Variants in EXOSC10 observed in about 807,000 individuals in gnomAD.
EXOSC10 encodes the protein exosome component 10, also known as exosome complex component 10.
EXOSC10 carries 94 observed loss-of-function variants against 126.6 expected under a neutral mutation model. The ratio of observed to expected loss-of-function variants is 0.74; its 90% CI spans 0.63 to 0.88. The LOEUF is 0.88. EXOSC10 is among the 40% of genes least tolerant of loss of function. EXOSC10 has a pLI of 0.00. For synonymous variants in EXOSC10, 395 were observed against 400.8 expected (o/e 0.99, Z 0.17); for missense variants, 1,041 against 1,100.5 (o/e 0.95, Z 0.77).
Position 11,099,794 on chromosome 1 carries a change from G to T in EXOSC10, c.38C>A (p.Ser13Ter). 1 of 1,611,892 alleles carries T rather than the reference G, an allele frequency of 6.2e-7. No homozygotes were observed. The highest frequency in any genetic ancestry group is 1.7e-4 in the Middle Eastern group (1 of 6,054). The stretch of plus-strand genomic sequence containing the variant: ...GTCGGATTTGGTTGCGCTGGTCGCC[G>T]ACAGGACCCTGGGCTCCCGGGTACT... ...PPSTREPRVL[S>*]ATSATKSDGE... The change falls in exon 1 of 25, where the codon TCG (serine) becomes TAG (stop). Residue 13 changes from serine (S) to a stop codon, truncating the protein, a stop_gained. Coordinates refer to ENST00000376936, the MANE Select transcript of EXOSC10 (RefSeq NM_001001998.3). LOFTEE classifies it high-confidence loss of function.
At chr1:11,073,877 CAAAAAA>C (rs770965502) in intron 19 of EXOSC10, 51 bp downstream of exon 19, 45 of 538,850 alleles carry the variant, frequency 8.4e-5, no homozygotes, top group African/African-American at 2.5e-4. Flanking sequence ...GACTCCATCT[CAAAAAA>C]AAAAAAAAAA....
In EXOSC10 at chr1:11,070,904, A is replaced by G; in HGVS notation, c.2312T>C (p.Val771Ala). 6.2e-7 allele frequency: 1 copy of G among 1,613,932 alleles called. No individual in the cohort carries two copies. The highest frequency in any genetic ancestry group is 8.5e-7 in the Non-Finnish European group (1 of 1,179,918). Reference sequence around the variant, plus strand: ...AGGAGAAAAGCTGGCACATACCACGACCTGCTGTCGGACGGAGATGGCCTG... The same window carrying G: ...AGGAGAAAAGCTGGCACATACCACGGCCTGCTGTCGGACGGAGATGGCCTG... ...AEQAISVRQQ[V>A]VLENAAKKRE... is the part of the protein sequence containing the mutation. The change falls in exon 21 of 25, where the codon GTC becomes GCC. Residue 771 changes from valine (V) to alanine (A), a missense_variant. This residue lies in a region of EXOSC10 where 388 missense variants were observed against 415.2 expected (regional missense o/e 0.93). Coordinates refer to ENST00000376936, the MANE Select transcript of EXOSC10 (RefSeq NM_001001998.3).
chr1:11,074,139 ACT>A, intron 18 of EXOSC10, 90 bp downstream of exon 18: 1 of 1,388,780 alleles, frequency 7.2e-7, no homozygotes, highest in Non-Finnish European at 1.0e-6. Context: ...CAGCCGACAC[ACT>A]GGCTTCAGAG....
At chr1:11,087,377 A>T in intron 9 of EXOSC10, 71 bp downstream of exon 9, 1 of 1,567,934 alleles carries the variant, frequency 6.4e-7, no homozygotes, top group Non-Finnish European at 8.8e-7. Flanking sequence ...TGAAATAATG[A>T]AATAGTACAC....
intron 18 of EXOSC10, 57 bp downstream of exon 18, chr1:11,074,174 T>C (rs1191054060): frequency 1.4e-6 from 2 of 1,466,282 alleles, no homozygotes; most frequent in Non-Finnish European, 9.6e-7. Flanking sequence ...GGTAAAAGCA[T>C]GTACAGCTGT....
In EXOSC10 at chr1:11,093,646, G is replaced by GAAT. The variant is rs568120752; in HGVS notation, c.373-2052_373-2050dup. 3.2e-4 allele frequency among the ~76,000 whole-genome samples: 48 copies of GAAT among 152,324 alleles called. No individual in the cohort carries two copies. In the South Asian group the frequency reaches 8.1e-3, roughly 26 times the overall value. On this transcript the variant is annotated intron_variant, in intron 3 of 24. Transcript: ENST00000376936. The stretch of plus-strand genomic sequence containing the variant: ...GCATAAATAGATAGTAAGCAAGACA[G>GAAT]AATAATACACATCTCCTTCCAATCC...
At chr1:11,099,137 A>T (rs1641281225) in intron 1 of EXOSC10, among the ~76,000 whole-genome samples, 1 of 152,376 alleles carries the variant, frequency 6.6e-6, no homozygotes, top group African/African-American at 2.4e-5. Flanking sequence ...AGAGCTATGC[A>T]CACCTTAAGC....
chr1:11,071,986 A>C, intron 20 of EXOSC10, 101 bp downstream of exon 20: 1 of 916,080 alleles, frequency 1.1e-6, no homozygotes, highest in Non-Finnish European at 1.7e-6. Context: ...GAAGCCCCAC[A>C]GGGGCTTCAT....
At chr1:11,087,112 C>A (rs573607698) in intron 9 of EXOSC10, among the ~76,000 whole-genome samples, 1 of 152,156 alleles carries the variant, frequency 6.6e-6, no homozygotes, top group African/African-American at 2.4e-5. Context: ...TGATTCCATA[C>A]GCTTGAAGTC....
chr1:11,073,323 G>A (rs933115801), intron 19 of EXOSC10, among the ~76,000 whole-genome samples: 12 of 151,886 alleles, frequency 7.9e-5, no homozygotes, highest in Admixed American at 1.3e-4. Flanking sequence ...TAGTAGAGAC[G>A]GGGTTTCACC....
At chr1:11,099,595 G>T (rs1445010849) in intron 1 of EXOSC10, 126 bp downstream of exon 1, 2 of 1,058,234 alleles carry the variant, frequency 1.9e-6, no homozygotes, top group East Asian at 5.7e-5. Flanking sequence ...GCCCAGCGCG[G>T]ACAGGGGCCC....
intron 19 of EXOSC10, chr1:11,072,935 A>C (rs1007350100): frequency 1.3e-5 from 2 of 152,190 alleles, no homozygotes; most frequent in Non-Finnish European, 2.9e-5. Context: ...CTTACTCATA[A>C]TGCTGGTAAA....
intron 3 of EXOSC10, 48 bp downstream of exon 3, chr1:11,095,710 T>C: frequency 1.3e-6 from 2 of 1,583,956 alleles, no homozygotes; most frequent in Non-Finnish European, 1.7e-6. Context: ...CGAGACTCCG[T>C]CTCAAAAACA....
In EXOSC10 at chr1:11,099,851, CG is replaced by C. The variant is rs768322330; in HGVS notation, c.-21del. On this transcript the variant is annotated 5_prime_UTR_variant, in exon 1 of 25. Transcript: ENST00000376936. ...CGCCATTTTTTCAGCCTGCACGGCT[CG>C]TCTCGCGAGAGCTTGTCGGCCGAGG... is the stretch of plus-strand genomic sequence containing the variant. 2 of 1,586,694 alleles carry C rather than the reference CG, an allele frequency of 1.3e-6. No homozygotes were observed. The highest frequency in any genetic ancestry group is 1.7e-6 in the Non-Finnish European group (2 of 1,166,062).
rs1277278702 is a variant in EXOSC10, at chr1:11,091,037, T to C, written c.620A>G (p.Asn207Ser). 21 of 1,614,014 alleles carry C rather than the reference T, an allele frequency of 1.3e-5. No individual in the cohort carries two copies. The highest frequency in any genetic ancestry group is 5.3e-5 in the African/African-American group (4 of 74,930). ...PFLPKIFIKP[N>S]AQKPLPQALS... is the part of the protein sequence containing the mutation. ...ACCTTGAGGGAGAGGTTTCTGAGCA[T>C]TGGGTTTGATGAAGATTTTAGGAAG... Residue 207 changes from asparagine (N) to serine (S), a missense_variant, in exon 5 of 25, where the codon AAT becomes AGT. Transcript: ENST00000376936.
At chr1:11,074,389 GC>G in intron 17 of EXOSC10, 63 bp from the exon 18 acceptor site, 1 of 1,137,030 alleles carries the variant, frequency 8.8e-7, no homozygotes, top group Non-Finnish European at 1.3e-6. Flanking sequence ...CAAGATGCAA[GC>G]AAGAGAGCAA....
intron 13 of EXOSC10, 122 bp downstream of exon 13, chr1:11,080,377 A>G (rs1403075549): frequency 8.0e-7 from 1 of 1,250,890 alleles, no homozygotes; most frequent in East Asian, 2.3e-5. Context: ...GCTACCTTCC[A>G]AGCTTGGAGC....
rs760571890 is a variant in EXOSC10 at position 11,080,553 on chromosome 1, G to GA, written c.1587-5dup. ...CATGTGGTTTGGCAGTACATATCTG[G>GA]AAAAAAAAAAACACACACACACACA... On this transcript the variant is annotated splice_region_variant and splice_polypyrimidine_tract_variant and intron_variant, in intron 12 of 24. Coordinates refer to ENST00000376936, the MANE Select transcript of EXOSC10 (RefSeq NM_001001998.3). 2.3e-4 allele frequency: 340 copies of GA among 1,476,972 alleles called. No homozygotes were observed. Among genetic ancestry groups the GA allele is most frequent in the African/African-American group, 1.1e-3 (70 of 65,480 alleles). The allele number at this position is 1,476,972 out of a possible 1,614,324, so 91.5% of individuals were successfully genotyped here.
intron 2 of EXOSC10, among the ~76,000 whole-genome samples, chr1:11,096,343 G>A (rs991683879): frequency 2.0e-5 from 3 of 151,974 alleles, no homozygotes; most frequent in African/African-American, 7.3e-5. Flanking sequence ...TAAAGATGAC[G>A]TTTCACCACG....
Sources: gnomAD v4.1 joint callset for allele counts (sites outside exome capture counted in the v4.1 genomes callset) on GRCh38, gnomAD v4.1.1 for gene constraint, gnomAD v4.1.1 regional missense constraint, MANE v1.5 for transcripts, NCBI Gene and HGNC (gene_info 2026-07-23, HGNC 2026-07-21) for gene names.